Variants in NEGR1 observed in about 807,000 individuals in gnomAD.
NEGR1 encodes neuronal growth regulator 1.
Under a neutral mutation model 40.9 loss-of-function variants are expected in NEGR1, and 10 were observed. The observed-to-expected ratio is 0.24, with a 90% confidence interval of 0.15 to 0.42. NEGR1 has a LOEUF of 0.42. Among genes scored for constraint, NEGR1 ranks in the 10% least tolerant of loss-of-function variants. NEGR1 has a pLI of 1.00. For synonymous variants in NEGR1, 185 were observed against 166.8 expected (o/e 1.11, Z -0.84); for missense variants, 352 against 438.9 (o/e 0.80, Z 1.77).
intron 1 of NEGR1, among the ~76,000 whole-genome samples, chr1:72,149,286 G>A (rs1385912049): frequency 6.6e-6 from 1 of 152,082 alleles, no homozygotes; most frequent in Non-Finnish European, 1.5e-5. Flanking sequence ...CAGTCCCCAT[G>A]ATTCAACTAC....
Position 71,492,579 on chromosome 1 carries a change from C to G in NEGR1, c.941-85009G>C, listed in dbSNP as rs1356702852. Among the ~76,000 whole-genome samples, 9 of 151,974 alleles carry G rather than the reference C, an allele frequency of 5.9e-5. No individual in the cohort carries two copies. In the East Asian group the frequency reaches 1.7e-3, roughly 29 times the overall value. On this transcript the variant is annotated intron_variant, in intron 6 of 6. Coordinates refer to ENST00000357731, the MANE Select transcript of NEGR1 (RefSeq NM_173808.3). ...CCCTTCTCTAAACAGTAAGCAGCTT[C>G]TTGTTATTTTTTTCTCAGTTTTATA...
chr1:71,917,779 TAAAAAA>T (rs79120253), intron 2 of NEGR1, among the ~76,000 whole-genome samples: 1 of 120,450 alleles, frequency 8.3e-6, no homozygotes, highest in Non-Finnish European at 1.8e-5. Flanking sequence ...GACTCCGTCT[TAAAAAA>T]AAAAAAAAAA....
chr1:71,468,173 A>T (rs1472977583), intron 6 of NEGR1: 1 of 151,976 alleles, frequency 6.6e-6, no homozygotes, highest in Admixed American at 6.6e-5. Flanking sequence ...ATATATATTT[A>T]GATGATTATT....
chr1:71,463,390 T>C (rs1646726230), intron 6 of NEGR1: 1 of 152,152 alleles, frequency 6.6e-6, no homozygotes, highest in Admixed American at 6.6e-5. Context: ...CTTTGTCTAA[T>C]GGAACGGGAA....
At chr1:71,730,331 T>C (rs1654817433) in intron 3 of NEGR1, among the ~76,000 whole-genome samples, 2 of 151,862 alleles carry the variant, frequency 1.3e-5, no homozygotes, top group Non-Finnish European at 2.9e-5. Flanking sequence ...TCAGAGACCA[T>C]AGAAATAGGT....
chr1:71,470,613 G>C (rs1557537478), intron 6 of NEGR1, among the ~76,000 whole-genome samples: 1 of 152,044 alleles, frequency 6.6e-6, no homozygotes, highest in Non-Finnish European at 1.5e-5. Flanking sequence ...CCTGATCCTT[G>C]TCAATTTTAT....
At chr1:71,506,206 C>A (rs575204335) in intron 6 of NEGR1, among the ~76,000 whole-genome samples, 1 of 152,262 alleles carries the variant, frequency 6.6e-6, no homozygotes, top group South Asian at 2.1e-4. Context: ...GCAATGGTCC[C>A]CAGAGAAAAT....
intron 3 of NEGR1, among the ~76,000 whole-genome samples, chr1:71,721,007 G>T (rs1268627722): frequency 1.3e-5 from 2 of 152,166 alleles, no homozygotes; most frequent in African/African-American, 4.8e-5. Flanking sequence ...AGTCAGGTTA[G>T]AGAAAAGTGT....
intron 1 of NEGR1, among the ~76,000 whole-genome samples, chr1:72,277,455 T>C (rs1183201453): frequency 2.0e-5 from 3 of 152,196 alleles, no homozygotes; most frequent in African/African-American, 7.2e-5. Flanking sequence ...TACAACTACA[T>C]GGGCTTTTGA....
intron 6 of NEGR1, among the ~76,000 whole-genome samples, chr1:71,447,584 T>C (rs138247368): frequency 2.1e-3 from 324 of 152,330 alleles, no homozygotes; most frequent in Middle Eastern, 3.4e-3. Context: ...GATTCTACTC[T>C]TCCTTTAAAT....
chr1:71,976,979 A>T (rs1449474582), intron 1 of NEGR1, among the ~76,000 whole-genome samples: 1 of 152,174 alleles, frequency 6.6e-6, no homozygotes, highest in East Asian at 1.9e-4. Context: ...CAATATGGAA[A>T]TTTTAGATAA....
chr1:71,493,831 A>T (rs1285716969), intron 6 of NEGR1, among the ~76,000 whole-genome samples: 2 of 152,138 alleles, frequency 1.3e-5, no homozygotes, highest in African/African-American at 4.8e-5. Context: ...GCCATCCAGA[A>T]TTTATGTGTT....
chr1:72,068,599 C>T (rs192548253), intron 1 of NEGR1, among the ~76,000 whole-genome samples: 1 of 152,238 alleles, frequency 6.6e-6, no homozygotes, highest in East Asian at 1.9e-4. Flanking sequence ...ATGGATAATT[C>T]ATGAATTTTA....
At position 71,917,052 on chromosome 1, in the gene NEGR1, T is replaced by C. The variant is rs538406553; in HGVS notation, c.409+18027A>G. Among the ~76,000 whole-genome samples, 218 of 152,302 alleles carry C rather than the reference T, an allele frequency of 1.4e-3. 1 individual carries two copies. The highest frequency in any genetic ancestry group is 4.3e-3 in the African/African-American group (180 of 41,568). On this transcript the variant is annotated intron_variant, in intron 2 of 6. Transcript: ENST00000357731. Reference sequence around the variant, plus strand: ...TGTGTATATGCCCTCTATAGCTCCATCTGTGTCAATGCTCATTGTTTTATG... The same window carrying C: ...TGTGTATATGCCCTCTATAGCTCCACCTGTGTCAATGCTCATTGTTTTATG...
At chr1:71,681,983 C>A (rs778451016) in intron 4 of NEGR1, among the ~76,000 whole-genome samples, 1 of 152,196 alleles carries the variant, frequency 6.6e-6, no homozygotes, top group East Asian at 1.9e-4. Flanking sequence ...TGAGCCACCA[C>A]GACTGGCTAA....
chr1:72,125,818 T>C (rs1461782783), intron 1 of NEGR1, among the ~76,000 whole-genome samples: 3 of 152,140 alleles, frequency 2.0e-5, no homozygotes, highest in Non-Finnish European at 2.9e-5. Flanking sequence ...ATATTCTTTT[T>C]CCCACCAGAA....
At position 71,674,775 on chromosome 1, in the gene NEGR1, C is replaced by A. The variant is rs369418470; in HGVS notation, c.667+23233G>T. On this transcript the variant is annotated intron_variant, in intron 4 of 6. Coordinates refer to ENST00000357731, the MANE Select transcript of NEGR1 (RefSeq NM_173808.3). Reference sequence around the variant, plus strand: ...TGATGTCACTCAGATGTAACCTTATCAGAAAGGGCTTCTCTGAACATGTTA... The same window carrying A: ...TGATGTCACTCAGATGTAACCTTATAAGAAAGGGCTTCTCTGAACATGTTA... Among the ~76,000 whole-genome samples the A allele has an allele frequency of 9.2e-5, 14 of 152,206 alleles. No individual in the cohort carries two copies. In the East Asian group the frequency reaches 1.5e-3, roughly 17 times the overall value.
chr1:72,087,675 G>A (rs573429999), intron 1 of NEGR1, among the ~76,000 whole-genome samples: 94 of 149,784 alleles, frequency 6.3e-4, no homozygotes, highest in African/African-American at 1.4e-3. Flanking sequence ...AGGCTAGAGC[G>A]CTGTGATACC....
At chr1:72,213,820 T>C (rs1311298571) in intron 1 of NEGR1, among the ~76,000 whole-genome samples, 1 of 152,024 alleles carries the variant, frequency 6.6e-6, no homozygotes, top group African/African-American at 2.4e-5. Flanking sequence ...CTTCCGAAAC[T>C]ATCCCAACAA....
Sources: allele counts gnomAD v4.1 joint callset (sites outside exome capture counted in the v4.1 genomes callset), GRCh38; gene constraint gnomAD v4.1.1; transcripts MANE v1.5; gene names NCBI Gene and HGNC (gene_info 2026-07-23, HGNC 2026-07-21).